TBXA2R: variants seen among roughly 807,000 people sequenced by gnomAD.
The protein encoded by TBXA2R is thromboxane A2 receptor.
In TBXA2R, 15 loss-of-function variants were observed where a neutral mutation model predicts 15.6. The ratio of observed to expected loss-of-function variants is 0.96; its 90% CI spans 0.64 to 1.48. TBXA2R has a LOEUF of 1.48. TBXA2R is among the 40% of genes most tolerant of loss of function. TBXA2R has a pLI of 0.00. For synonymous variants in TBXA2R, 280 were observed against 241.2 expected (o/e 1.16, Z -1.49); for missense variants, 506 against 491.4 (o/e 1.03, Z -0.28).
At chr19:3,605,014 G>T (rs983805323) in intron 1 of TBXA2R, among the ~76,000 whole-genome samples, 2 of 152,164 alleles carry the variant, frequency 1.3e-5, no homozygotes, top group African/African-American at 2.4e-5. Flanking sequence ...TCCCCTCATC[G>T]CAAAGCTCCA....
In TBXA2R at chr19:3,595,789, A is replaced by G. The variant is rs1219090061; in HGVS notation, c.931T>C (p.Phe311Leu). ...AGACGCCGGAGCACGGCGCGGCGGAACAGGATATACACCCAGGGGTCCAGG... is the reference window on the plus strand; with the variant it reads ...AGACGCCGGAGCACGGCGCGGCGGAGCAGGATATACACCCAGGGGTCCAGG... ...QILDPWVYIL[F>L]RRAVLRRLQP... The change falls in exon 3 of 3, where the codon TTC becomes CTC. Residue 311 changes from phenylalanine to leucine, a missense_variant. By Grantham distance (22) the Phe-to-Leu change is conservative. Transcript: ENST00000375190. The G allele has an allele frequency of 1.9e-6, 3 of 1,611,116 alleles. No individual in the cohort carries two copies. The highest frequency in any genetic ancestry group is 1.1e-5 in the South Asian group (1 of 90,532).
chr19:3,596,104 T>C (rs776609883), intron 2 of TBXA2R, among the ~76,000 whole-genome samples, 171 bp from the exon 3 acceptor site: 3 of 152,108 alleles, frequency 2.0e-5, no homozygotes, highest in African/African-American at 4.8e-5. Context: ...TCTCAGCTCA[T>C]TGCAACCTCT....
intron 1 of TBXA2R, 103 bp downstream of exon 1, chr19:3,606,427 G>C (rs2032837667): frequency 6.5e-6 from 1 of 152,864 alleles, no homozygotes; most frequent in Non-Finnish European, 1.5e-5. Context: ...CGCGGGCTTT[G>C]CGACACACCC....
chr19:3,601,570 C>CA (rs1389996497), intron 1 of TBXA2R, among the ~76,000 whole-genome samples: 3 of 150,460 alleles, frequency 2.0e-5, no homozygotes, highest in South Asian at 2.1e-4. Flanking sequence ...CTAAAAACCC[C>CA]AAAAAACAAA....
chr19:3,602,909 G>A (rs1418260055), intron 1 of TBXA2R, among the ~76,000 whole-genome samples: 4 of 151,698 alleles, frequency 2.6e-5, no homozygotes, highest in East Asian at 1.9e-4. Context: ...GGTGGCGGGC[G>A]CCCGTAGTCC....
intron 1 of TBXA2R, among the ~76,000 whole-genome samples, chr19:3,604,014 A>G (rs2032784716): frequency 6.6e-6 from 1 of 152,044 alleles, no homozygotes; most frequent in Non-Finnish European, 1.5e-5. Flanking sequence ...TCGCTTTTCG[A>G]TGTTGAATAA....
rs1011098919 is a variant in TBXA2R, at chr19:3,594,847, T to C, written c.*841A>G. On this transcript the variant is annotated 3_prime_UTR_variant, in exon 3 of 3. Transcript: ENST00000375190. ...GCCCCCGTTCACATTCAATCCTTTCTGGACAGAGCCTTCCCTGTTGGAGGT... is the reference window on the plus strand; with the variant it reads ...GCCCCCGTTCACATTCAATCCTTTCCGGACAGAGCCTTCCCTGTTGGAGGT... 1.2e-5 allele frequency: 19 copies of C among 1,536,820 alleles called. No homozygotes were observed. The Admixed American group carries it at 3.3e-4, about 27-fold the overall frequency.
In TBXA2R at chr19:3,595,866, G is replaced by A; in HGVS notation, c.854C>T (p.Thr285Ile). ...GTAGATGAGCAGCTCCTTCTCCGTG[G>A]TGCGGGACAGCTGCCCGGCGGGGCT... ...AMSPAGQLSRTTEKELLIYLR... is the reference protein window; with the variant it reads ...AMSPAGQLSRITEKELLIYLR... The change falls in exon 3 of 3, where the codon ACC becomes ATC. Residue 285 changes from threonine (T) to isoleucine (I), a missense_variant. By Grantham distance (89) the Thr-to-Ile change is moderately conservative (BLOSUM62 -1). Transcript: ENST00000375190. 1.9e-6 allele frequency: 3 copies of A among 1,610,156 alleles called. No individual in the cohort carries two copies. Among genetic ancestry groups the A allele is most frequent in the East Asian group, 2.2e-5 (1 of 44,760 alleles).
Position 3,600,009 on chromosome 19 carries a change from C to T in TBXA2R, c.626G>A (p.Gly209Glu), listed in dbSNP as rs752909002. The T allele has an allele frequency of 6.2e-7, 1 of 1,611,204 alleles. No individual in the cohort carries two copies. The change falls in exon 2 of 3, where the codon GGG becomes GAG. Residue 209 changes from glycine to glutamate, a missense_variant. Coordinates refer to ENST00000375190, the MANE Select transcript of TBXA2R (RefSeq NM_001060.6). ...GACCGTGTTCAGCAGGAAGGACAGC[C>T]CGACCGAGAGGCCGCCCAGCATGGA... is the stretch of plus-strand genomic sequence containing the variant. ...LFSMLGGLSV[G>E]LSFLLNTVSV...
chr19:3,599,831 C>T lies in TBXA2R; in HGVS notation c.786+18G>A, dbSNP rs199995921. 1.4e-5 allele frequency: 22 copies of T among 1,548,678 alleles called. No homozygotes were observed. The highest frequency in any genetic ancestry group is 1.7e-5 in the Non-Finnish European group (19 of 1,146,902). Reference sequence around the variant, plus strand: ...TCCAGTCAGGAGGGTAGCAGGACCCCGCAGAGCCCCTACTCACCAGAAGGG... The same window carrying T: ...TCCAGTCAGGAGGGTAGCAGGACCCTGCAGAGCCCCTACTCACCAGAAGGG... On this transcript the variant is annotated intron_variant, in intron 2 of 2. Coordinates refer to ENST00000375190, the MANE Select transcript of TBXA2R (RefSeq NM_001060.6).
chr19:3,598,081 G>A (rs1280109865), intron 2 of TBXA2R: 2 of 152,368 alleles, frequency 1.3e-5, no homozygotes, highest in African/African-American at 4.8e-5. Flanking sequence ...CTGGGTCCGG[G>A]GAGTTACAGC....
Position 3,600,701 on chromosome 19 carries a change from C to A in TBXA2R, c.-67G>T. The A allele has an allele frequency of 6.4e-7, 1 of 1,571,256 alleles. No homozygotes were observed. On this transcript the variant is annotated 5_prime_UTR_variant, in exon 2 of 3. Transcript: ENST00000375190. Reference sequence around the variant, plus strand: ...CGATGCTGCAGACAGGGCAGGCTGGCACTGGTTCAGGCACACCTGGGAGGC... The same window carrying A: ...CGATGCTGCAGACAGGGCAGGCTGGAACTGGTTCAGGCACACCTGGGAGGC...
At chr19:3,604,567 C>T (rs1306861029) in intron 1 of TBXA2R, among the ~76,000 whole-genome samples, 1 of 152,170 alleles carries the variant, frequency 6.6e-6, no homozygotes, top group African/African-American at 2.4e-5. Flanking sequence ...CTGCCCGCCC[C>T]GCCTGCCTGT....
At position 3,596,075 on chromosome 19, in the gene TBXA2R, C is replaced by A; in HGVS notation, c.787-142G>T. The stretch of plus-strand genomic sequence containing the variant: ...ACAGGGTCTCACTCTGTCGTCCAGG[C>A]TGGAGTGCAGTGGTGCGATCTCAGC... On this transcript the variant is annotated intron_variant, in intron 2 of 2. Coordinates refer to ENST00000375190, the MANE Select transcript of TBXA2R (RefSeq NM_001060.6). The A allele has an allele frequency of 6.3e-6, 7 of 1,116,366 alleles. No homozygotes were observed. In the South Asian group the frequency reaches 9.7e-5, roughly 16 times the overall value. The allele number at this position is 1,116,366 out of a possible 1,614,324, so 69.2% of individuals were successfully genotyped here.
chr19:3,595,855 CCTT>C lies in TBXA2R; in HGVS notation c.862_864del (p.Lys288del), dbSNP rs2032592235. The stretch of plus-strand genomic sequence containing the variant: ...GCCACGCGCAAGTAGATGAGCAGCT[CCTT>C]CTCCGTGGTGCGGGACAGCTGCCCG... On this transcript the variant is annotated inframe_deletion, in exon 3 of 3. Transcript: ENST00000375190. 1 of 1,611,068 alleles carries C rather than the reference CCTT, an allele frequency of 6.2e-7. No homozygotes were observed. The highest frequency in any genetic ancestry group is 1.7e-5 in the Admixed American group (1 of 59,714).
At chr19:3,599,176 G>C (rs1599871839) in intron 2 of TBXA2R, among the ~76,000 whole-genome samples, 1 of 151,634 alleles carries the variant, frequency 6.6e-6, no homozygotes. Flanking sequence ...TAATTTGGAG[G>C]CAGGGTCTCA....
intron 1 of TBXA2R, among the ~76,000 whole-genome samples, chr19:3,602,252 T>C (rs1277769629): frequency 1.3e-5 from 2 of 152,008 alleles, no homozygotes; most frequent in Non-Finnish European, 2.9e-5. Context: ...CAGCTCCCCA[T>C]ACCCCATGGG....
At chr19:3,604,106 G>C (rs537636089) in intron 1 of TBXA2R, among the ~76,000 whole-genome samples, 122 of 151,856 alleles carry the variant, frequency 8.0e-4, no homozygotes, top group African/African-American at 2.8e-3. Flanking sequence ...TTCCAGTCCT[G>C]GGACGCAGAA....
At chr19:3,597,660 C>T (rs374519376) in intron 2 of TBXA2R, among the ~76,000 whole-genome samples, 2 of 151,594 alleles carry the variant, frequency 1.3e-5, no homozygotes, top group African/African-American at 2.4e-5. Flanking sequence ...TGGCCGGGTG[C>T]GGTGGCTCAC....
Sources: allele counts gnomAD v4.1 joint callset (sites outside exome capture counted in the v4.1 genomes callset), GRCh38; gene constraint gnomAD v4.1.1; transcripts MANE v1.5; gene names NCBI Gene and HGNC (gene_info 2026-07-23, HGNC 2026-07-21).